KIRREL3: variants seen among roughly 807,000 people sequenced by gnomAD.
The protein encoded by KIRREL3 is kin of IRRE-like protein 3.
In KIRREL3, 36 loss-of-function variants were observed where a neutral mutation model predicts 89.7. The observed-to-expected ratio is 0.40, with a 90% confidence interval of 0.31 to 0.53. The LOEUF is 0.53. Among genes scored for constraint, KIRREL3 ranks in the 20% least tolerant of loss-of-function variants. KIRREL3 has a pLI of 0.49. For synonymous variants in KIRREL3, 445 were observed against 441.4 expected (o/e 1.01, Z -0.10); for missense variants, 864 against 1,056.6 (o/e 0.82, Z 2.53).
chr11:126,733,869 C>T (rs1370697305), intron 1 of KIRREL3, among the ~76,000 whole-genome samples: 2 of 152,168 alleles, frequency 1.3e-5, no homozygotes, highest in Admixed American at 6.5e-5. Flanking sequence ...TTCTCTTCCC[C>T]CAGTGATAAT....
At chr11:126,556,410 G>A (rs1327811340) in intron 2 of KIRREL3, among the ~76,000 whole-genome samples, 1 of 152,204 alleles carries the variant, frequency 6.6e-6, no homozygotes, top group African/African-American at 2.4e-5. Flanking sequence ...GGAGGCCCAG[G>A]TGGGAGGATT....
chr11:126,455,982 G>C lies in KIRREL3; in HGVS notation c.848+367C>G, dbSNP rs1372806197. ...AACCAGTTTGATGGGCACAAGACTA[G>C]AATGGAGGTTCTGATCTTGCTGCTT... On this transcript the variant is annotated intron_variant, in intron 7 of 16. Coordinates refer to ENST00000525144, the MANE Select transcript of KIRREL3 (RefSeq NM_032531.4). The surrounding 1 kb of genome is among the most constrained non-coding windows in gnomAD (Gnocchi z 6.4). Among the ~76,000 whole-genome samples the C allele has an allele frequency of 1.3e-5, 2 of 149,152 alleles. No individual in the cohort carries two copies. The highest frequency in any genetic ancestry group is 3.0e-5 in the Non-Finnish European group (2 of 67,574).
chr11:126,889,610 A>T (rs1945831668), intron 1 of KIRREL3, among the ~76,000 whole-genome samples: 1 of 152,238 alleles, frequency 6.6e-6, no homozygotes, highest in South Asian at 2.1e-4. Flanking sequence ...ATGGACAAAT[A>T]TATTACAGGC....
chr11:126,578,242 C>T lies in KIRREL3; in HGVS notation c.56-15330G>A, dbSNP rs1941360133. On this transcript the variant is annotated intron_variant, in intron 1 of 16. Coordinates refer to ENST00000525144, the MANE Select transcript of KIRREL3 (RefSeq NM_032531.4). The surrounding 1 kb of genome is among the most constrained non-coding windows in gnomAD (Gnocchi z 4.9). ...CTTAGGATGTTTCGGTCCTGGGATG[C>T]TTGCAGCCCAGGAAATGCTCCCTCC... is the stretch of plus-strand genomic sequence containing the variant. Among the ~76,000 whole-genome samples, 1 of 152,138 alleles carries T rather than the reference C, an allele frequency of 6.6e-6. No homozygotes were observed. Among genetic ancestry groups the T allele is most frequent in the Non-Finnish European group, 1.5e-5 (1 of 68,022 alleles).
chr11:126,442,000 C>T lies in KIRREL3; in HGVS notation c.1253-1451G>A, dbSNP rs184088778. Reference sequence around the variant, plus strand: ...ATATAAAACCTTTTCTGGTCAGGTGCGGTGGCTCACACCTAGAAACCTAGC... The same window carrying T: ...ATATAAAACCTTTTCTGGTCAGGTGTGGTGGCTCACACCTAGAAACCTAGC... On this transcript the variant is annotated intron_variant, in intron 10 of 16. Transcript: ENST00000525144. This position sits in a 1 kb window ranked among gnomAD's most constrained non-coding sequence, Gnocchi z 5.0. Among the ~76,000 whole-genome samples the T allele has an allele frequency of 6.6e-5, 10 of 152,134 alleles. No homozygotes were observed. The highest frequency in any genetic ancestry group is 5.8e-4 in the East Asian group (3 of 5,170).
chr11:126,494,727 C>T (rs555419773), intron 4 of KIRREL3, among the ~76,000 whole-genome samples: 38 of 152,336 alleles, frequency 2.5e-4, no homozygotes, highest in African/African-American at 6.5e-4. Flanking sequence ...GATCCCTCCT[C>T]GGGCCCTGGG....
rs1056479556 is a variant in KIRREL3, at chr11:126,523,002, G to A, written c.284-1538C>T. 6.6e-6 allele frequency among the ~76,000 whole-genome samples: 1 copy of A among 152,224 alleles called. No individual in the cohort carries two copies. The highest frequency in any genetic ancestry group is 1.5e-5 in the Non-Finnish European group (1 of 68,046). ...GAGAGAGACAGAACAAAGACAGGCA[G>A]GGAGACCTGCAAGAGCTCGCCTCAA... On this transcript the variant is annotated intron_variant, in intron 3 of 16. Transcript: ENST00000525144. This position sits in a 1 kb window ranked among gnomAD's most constrained non-coding sequence, Gnocchi z 4.9.
rs1435313328 is a variant in KIRREL3, at chr11:126,802,233, A to C, written c.55+198222T>G. Among the ~76,000 whole-genome samples, 1 of 152,018 alleles carries C rather than the reference A, an allele frequency of 6.6e-6. No individual in the cohort carries two copies. Among genetic ancestry groups the C allele is most frequent in the East Asian group, 1.9e-4 (1 of 5,134 alleles). On this transcript the variant is annotated intron_variant, in intron 1 of 16. Coordinates refer to ENST00000525144, the MANE Select transcript of KIRREL3 (RefSeq NM_032531.4). The surrounding 1 kb of genome is among the most constrained non-coding windows in gnomAD (Gnocchi z 5.2). The stretch of plus-strand genomic sequence containing the variant: ...TGGCCCTACCTCACCTGGAGAAGTT[A>C]ACCAAAGAGGAGTAAGAGATCCTCC...
At chr11:126,625,058 C>T (rs1211509972) in intron 1 of KIRREL3, among the ~76,000 whole-genome samples, 1 of 152,158 alleles carries the variant, frequency 6.6e-6, no homozygotes, top group Non-Finnish European at 1.5e-5. Flanking sequence ...GGTGGGTTTT[C>T]TCCCCTCTCC....
intron 1 of KIRREL3, among the ~76,000 whole-genome samples, chr11:126,616,440 G>A (rs1476577000): frequency 1.5e-5 from 2 of 134,074 alleles, no homozygotes; most frequent in Admixed American, 8.0e-5. Context: ...CTGTTAGCCT[G>A]GTTGGGCATA....
At chr11:126,468,480 G>A (rs903892345) in intron 5 of KIRREL3, among the ~76,000 whole-genome samples, 24 of 152,248 alleles carry the variant, frequency 1.6e-4, no homozygotes, top group Non-Finnish European at 1.5e-4. Context: ...TGGCCAGCCT[G>A]TGCTGGGGGA....
At chr11:126,453,587 T>C (rs1956251060) in intron 7 of KIRREL3, among the ~76,000 whole-genome samples, 1 of 152,224 alleles carries the variant, frequency 6.6e-6, no homozygotes, top group Admixed American at 6.5e-5. Context: ...ACATTGCTTC[T>C]AAACACCTGG....
At chr11:126,746,357 G>A (rs1050033199) in intron 1 of KIRREL3, among the ~76,000 whole-genome samples, 2 of 152,170 alleles carry the variant, frequency 1.3e-5, no homozygotes. Flanking sequence ...GAAGTGCAGA[G>A]GAGAGTGGGG....
At chr11:126,657,425 C>G (rs1945198989) in intron 1 of KIRREL3, among the ~76,000 whole-genome samples, 1 of 152,182 alleles carries the variant, frequency 6.6e-6, no homozygotes, top group African/African-American at 2.4e-5. Flanking sequence ...AGCAAACCAA[C>G]CCAGAAAGAC....
rs1204318829 is a variant in KIRREL3, at chr11:126,456,333, C to T, written c.848+16G>A. On this transcript the variant is annotated intron_variant, in intron 7 of 16. Coordinates refer to ENST00000525144, the MANE Select transcript of KIRREL3 (RefSeq NM_032531.4). ...GGCCAGTGGCCAGGCCGGGCCCCCT[C>T]AGCAGTGACTCTCACCTGTACTGGG... 5 of 1,550,972 alleles carry T rather than the reference C, an allele frequency of 3.2e-6. No individual in the cohort carries two copies. In the South Asian group the frequency reaches 3.6e-5, roughly 11 times the overall value.
chr11:126,757,302 A>G (rs150881947), intron 1 of KIRREL3, among the ~76,000 whole-genome samples: 1 of 139,934 alleles, frequency 7.1e-6, no homozygotes, highest in Non-Finnish European at 1.6e-5. Flanking sequence ...AAAAGAAAAT[A>G]AAAAAAAAAA....
chr11:126,809,072 G>T (rs769069574), intron 1 of KIRREL3, among the ~76,000 whole-genome samples: 1 of 152,126 alleles, frequency 6.6e-6, no homozygotes. Flanking sequence ...TAATAAACCC[G>T]CAAGCATGGC....
chr11:126,832,846 C>T (rs574536136), intron 1 of KIRREL3, among the ~76,000 whole-genome samples: 9 of 152,134 alleles, frequency 5.9e-5, no homozygotes, highest in Non-Finnish European at 1.0e-4. Context: ...GTGTTTGTTT[C>T]GTGTTTCTGT....
chr11:126,896,331 T>C lies in KIRREL3; in HGVS notation c.55+104124A>G, dbSNP rs558419575. Among the ~76,000 whole-genome samples, 18 of 152,288 alleles carry C rather than the reference T, an allele frequency of 1.2e-4. No homozygotes were observed. In the South Asian group the frequency reaches 3.1e-3, roughly 26 times the overall value. On this transcript the variant is annotated intron_variant, in intron 1 of 16. Coordinates refer to ENST00000525144, the MANE Select transcript of KIRREL3 (RefSeq NM_032531.4). This position sits in a 1 kb window ranked among gnomAD's most constrained non-coding sequence, Gnocchi z 4.1. ...ACATGGTCCATGAGAAATAGCAGCA[T>C]CTCCCAGAAAACCTGAGCAGGTCAG...
Sources: allele counts gnomAD v4.1 joint callset (sites outside exome capture counted in the v4.1 genomes callset), GRCh38; gene constraint gnomAD v4.1.1; non-coding constraint Gnocchi (gnomAD v3.1); transcripts MANE v1.5; gene names NCBI Gene and HGNC (gene_info 2026-07-23, HGNC 2026-07-21).